The following INVS variants were observed in gnomAD, a reference collection of about 807,000 sequenced individuals.
INVS encodes the protein inversion of embryo turning homolog.
Under a neutral mutation model 108.8 loss-of-function variants are expected in INVS, and 86 were observed. The observed-to-expected ratio is 0.79, with a 90% CI of 0.66 to 0.95. The LOEUF (loss-of-function observed/expected upper bound fraction) is 0.95, where lower values mean the gene tolerates loss of function less well. Among genes scored for constraint, INVS ranks in the 40% least tolerant of loss-of-function variants. The probability of loss-of-function intolerance (pLI) is 0.00; values close to 1 mark genes in which losing one functional copy is unlikely to be tolerated. For synonymous variants in INVS, 455 were observed against 473.5 expected, an observed-to-expected ratio of 0.96 and a Z score of 0.51; for missense variants, 1,169 against 1,297.4, an observed-to-expected ratio of 0.90 and a Z score of 1.52.
At chr9:100,144,407 T>G (rs1275073156) in intron 3 of INVS, among the ~76,000 whole-genome samples, 1 of 152,138 alleles carries the variant, frequency 6.6e-6, no homozygotes, top group Non-Finnish European at 1.5e-5. Context: ...AAATGTATAT[T>G]GAGAATAAGA....
chr9:100,173,309 G>A (rs530222356), intron 3 of INVS, among the ~76,000 whole-genome samples: 2 of 152,354 alleles, frequency 1.3e-5, no homozygotes, highest in East Asian at 3.9e-4. Context: ...AGCACTGGGT[G>A]AGTTTCCACT....
At position 100,259,557 on chromosome 9, in the gene INVS, C is replaced by CTT. The variant is rs35844010; in HGVS notation, c.1465-5249_1465-5248dup. Among the ~76,000 whole-genome samples, 763 of 132,942 alleles carry CTT rather than the reference C, an allele frequency of 5.7e-3. 6 individuals are homozygous for CTT. Among genetic ancestry groups the CTT allele is most frequent in the African/African-American group, 0.017 (611 of 35,134 alleles). The allele number at this position is 132,942 out of a possible 152,430, so 87.2% of individuals were successfully genotyped here. A position where few individuals can be genotyped will look rare whatever the true frequency, so the allele number is the denominator to read the frequency against. On this transcript the variant is annotated intron_variant, in intron 10 of 16. Transcript: ENST00000262457. ...TGTTTGGCCATCTTGGAACTGGGGC[C>CTT]TTTTTTTTTTTTTTTTTCCTCCCAG... is the stretch of plus-strand genomic sequence containing the variant.
At chr9:100,180,702 A>C (rs932103034) in intron 3 of INVS, among the ~76,000 whole-genome samples, 1 of 152,184 alleles carries the variant, frequency 6.6e-6, no homozygotes, top group Non-Finnish European at 1.5e-5. Flanking sequence ...CCAGAGGTAC[A>C]GAAAGGAGCT....
At chr9:100,129,971 G>C in intron 3 of INVS, 1 of 400,212 alleles carries the variant, frequency 2.5e-6, no homozygotes, top group Non-Finnish European at 4.5e-6. Flanking sequence ...GTTTTTAACA[G>C]ATTCCTAAAC....
At chr9:100,178,864 G>GA (rs1429375666) in intron 3 of INVS, among the ~76,000 whole-genome samples, 2 of 152,090 alleles carry the variant, frequency 1.3e-5, no homozygotes, top group Admixed American at 6.6e-5. Context: ...GAAATGAAGG[G>GA]AAAAATGTTA....
At chr9:100,295,884 G>C (rs1028914485) in intron 14 of INVS, among the ~76,000 whole-genome samples, 4 of 152,138 alleles carry the variant, frequency 2.6e-5, no homozygotes, top group African/African-American at 9.7e-5. Context: ...AGGAGAAACT[G>C]AATTATAGCG....
chr9:100,261,263 A>C (rs1588130130), intron 10 of INVS, among the ~76,000 whole-genome samples: 2 of 149,222 alleles, frequency 1.3e-5, no homozygotes, highest in Admixed American at 1.3e-4. Context: ...CTAGGAATGC[A>C]TCTTTTTTTT....
In INVS at chr9:100,273,085, G is replaced by A; in HGVS notation, c.1784+9G>A. The stretch of plus-strand genomic sequence containing the variant: ...AAAGATGCTGCTGCCAAGTAAGTAT[G>A]AGCTACGCAGATTGCGTTTTCGCCA... On this transcript the variant is annotated intron_variant, in intron 12 of 16. Coordinates refer to ENST00000262457, the MANE Select transcript of INVS (RefSeq NM_014425.5). The A allele has an allele frequency of 1.2e-6, 2 of 1,611,994 alleles. No homozygotes were observed. The highest frequency in any genetic ancestry group is 1.1e-5 in the South Asian group (1 of 90,996).
intron 3 of INVS, among the ~76,000 whole-genome samples, chr9:100,128,278 T>G (rs1827948955): frequency 6.6e-6 from 1 of 152,224 alleles, no homozygotes; most frequent in Admixed American, 6.5e-5. Context: ...GAAGAATAAA[T>G]AGAACTATGA....
chr9:100,235,120 T>A (rs1831638404), intron 5 of INVS, among the ~76,000 whole-genome samples: 1 of 152,088 alleles, frequency 6.6e-6, no homozygotes, highest in Admixed American at 6.6e-5. Context: ...TTTAAGGAAT[T>A]CCCTTCTTTG....
chr9:100,302,060 T>C lies in INVS; in HGVS notation c.*1386T>C. On this transcript the variant is annotated 3_prime_UTR_variant, in exon 17 of 17. Transcript: ENST00000262457. ...CCCAAACATTATTTTCATATATCAG[T>C]GCAAAGAAAGAAGGTTCGTAAACTT... is the stretch of plus-strand genomic sequence containing the variant. 1 of 552,672 alleles carries C rather than the reference T, an allele frequency of 1.8e-6. No homozygotes were observed. The highest frequency in any genetic ancestry group is 3.1e-6 in the Non-Finnish European group (1 of 322,716). 34.2% of individuals were successfully genotyped at this position (552,672 alleles called of 1,614,324 possible).
intron 3 of INVS, among the ~76,000 whole-genome samples, chr9:100,143,576 G>A (rs1020426065): frequency 6.6e-6 from 1 of 151,970 alleles, no homozygotes; most frequent in African/African-American, 2.4e-5. Context: ...TGTGAAGGAG[G>A]CTTTGAACTG....
chr9:100,213,845 C>G (rs980727556), intron 3 of INVS, among the ~76,000 whole-genome samples: 1 of 152,146 alleles, frequency 6.6e-6, no homozygotes, highest in African/African-American at 2.4e-5. Context: ...TACCTCATCT[C>G]TCCAGTTGCT....
chr9:100,175,009 G>A lies in INVS; in HGVS notation c.273+48460G>A, dbSNP rs1829665011. 2.0e-5 allele frequency among the ~76,000 whole-genome samples: 3 copies of A among 152,200 alleles called. No homozygotes were observed. The South Asian group carries it at 6.2e-4, about 31-fold the overall frequency. ...AAAAGCAGCCAAAGGGCTGAACTGA[G>A]CTGGTTGCCTTCTGTTACTGTGGGA... is the stretch of plus-strand genomic sequence containing the variant. On this transcript the variant is annotated intron_variant, in intron 3 of 16. Transcript: ENST00000262457.
At chr9:100,265,193 T>C (rs1001413678) in intron 11 of INVS, among the ~76,000 whole-genome samples, 9 of 152,086 alleles carry the variant, frequency 5.9e-5, no homozygotes, top group African/African-American at 2.2e-4. Context: ...TCCACCCACC[T>C]CGGCCTCCCA....
At chr9:100,137,811 GTTGATGTGATTAA>G (rs1350683246) in intron 3 of INVS, among the ~76,000 whole-genome samples, 2 of 152,098 alleles carry the variant, frequency 1.3e-5, no homozygotes, top group South Asian at 2.1e-4. Flanking sequence ...GTATTTAAAA[GTTGATGTGATTAA>G]TTGATGTGAT....
intron 4 of INVS, 26 bp downstream of exon 4, chr9:100,226,261 T>A (rs1486139892): frequency 6.2e-7 from 1 of 1,600,274 alleles, no homozygotes; most frequent in Non-Finnish European, 8.6e-7. Context: ...AATCAAAGAC[T>A]AATAAGACCA....
intron 3 of INVS, among the ~76,000 whole-genome samples, chr9:100,184,290 GA>G (rs1829990204): frequency 6.6e-6 from 1 of 152,160 alleles, no homozygotes; most frequent in Admixed American, 6.5e-5. Context: ...CCAGTGTTGG[GA>G]ATGTTTCTAG....
intron 2 of INVS, 60 bp from the exon 3 acceptor site, chr9:100,126,323 T>C: frequency 7.5e-7 from 1 of 1,328,434 alleles, no homozygotes; most frequent in Non-Finnish European, 1.1e-6. Flanking sequence ...CGAATATAGT[T>C]CCTACTTATA....
Sources: allele counts gnomAD v4.1 joint callset (sites outside exome capture counted in the v4.1 genomes callset), GRCh38; gene constraint gnomAD v4.1.1; transcripts MANE v1.5; gene names NCBI Gene and HGNC (gene_info 2026-07-23, HGNC 2026-07-21).